Variants in KSR2 observed in about 807,000 individuals in gnomAD.
KSR2 encodes the protein kinase suppressor of ras 2.
In KSR2, 25 loss-of-function variants were observed where a neutral mutation model predicts 107.8. The observed-to-expected ratio is 0.23, with a 90% CI of 0.17 to 0.32. The LOEUF (loss-of-function observed/expected upper bound fraction) is 0.32, where lower values mean the gene tolerates loss of function less well. Among genes scored for constraint, KSR2 ranks in the 10% least tolerant of loss-of-function variants. KSR2 has a pLI of 1.00. For missense variants in KSR2, 887 were observed against 1,268.9 expected, an observed-to-expected ratio of 0.70 and a Z score of 4.57; for synonymous variants, 480 against 507.0, an observed-to-expected ratio of 0.95 and a Z score of 0.71.
At chr12:117,665,284 G>C (rs1164485896) in intron 5 of KSR2, among the ~76,000 whole-genome samples, 1 of 152,180 alleles carries the variant, frequency 6.6e-6, no homozygotes, top group Non-Finnish European at 1.5e-5. Context: ...GGAACAAAAA[G>C]TTAGAAGCCA....
intron 1 of KSR2, among the ~76,000 whole-genome samples, chr12:117,862,729 T>C (rs113536267): frequency 0.15 from 11,205 of 75,082 alleles, 770 homozygotes; most frequent in East Asian, 0.36. Context: ...ATTCCCCCCC[T>C]TTTTTTTTTT....
chr12:117,532,137 G>A (rs535779352), intron 10 of KSR2, among the ~76,000 whole-genome samples: 46 of 152,258 alleles, frequency 3.0e-4, no homozygotes, highest in African/African-American at 8.4e-4. Context: ...AACGAGCATC[G>A]TATCAGTTTT....
At chr12:117,732,705 A>G (rs1233979998) in intron 4 of KSR2, among the ~76,000 whole-genome samples, 1 of 152,020 alleles carries the variant, frequency 6.6e-6, no homozygotes, top group Admixed American at 6.6e-5. Context: ...AGTTGTTAAT[A>G]TTTTTCTTCT....
At chr12:117,810,602 C>T (rs1662866618) in intron 3 of KSR2, among the ~76,000 whole-genome samples, 1 of 152,232 alleles carries the variant, frequency 6.6e-6, no homozygotes, top group African/African-American at 2.4e-5. Context: ...CATGAGCCAC[C>T]ACATCCAGCC....
At chr12:117,755,595 G>C (rs1888762127) in intron 4 of KSR2, among the ~76,000 whole-genome samples, 1 of 152,038 alleles carries the variant, frequency 6.6e-6, no homozygotes. Context: ...TCCTTTTCCT[G>C]GGCCTCCCTA....
intron 4 of KSR2, among the ~76,000 whole-genome samples, chr12:117,695,546 A>C (rs1886018504): frequency 1.4e-5 from 1 of 71,640 alleles, no homozygotes; most frequent in African/African-American, 7.1e-5. Context: ...TTTCTACAAA[A>C]AAAAAAAAAA....
In KSR2 at chr12:117,467,051, G is replaced by A. The variant is rs573846029; in HGVS notation, c.*148C>T. 2.0e-5 allele frequency: 10 copies of A among 496,124 alleles called. No individual in the cohort carries two copies. The highest frequency in any genetic ancestry group is 1.0e-4 in the East Asian group (3 of 29,054). 30.7% of individuals were successfully genotyped at this position (496,124 alleles called of 1,614,324 possible). A position where few individuals can be genotyped will look rare whatever the true frequency, so the allele number is the denominator to read the frequency against. Reference sequence around the variant, plus strand: ...CTCAAGTCTGAGGTGCAGGGAGGCCGCCGAGCAGTTGTCCAGTGCTCCCAG... The same window carrying A: ...CTCAAGTCTGAGGTGCAGGGAGGCCACCGAGCAGTTGTCCAGTGCTCCCAG... On this transcript the variant is annotated 3_prime_UTR_variant, in exon 20 of 20. Coordinates refer to ENST00000339824, the MANE Select transcript of KSR2 (RefSeq NM_173598.6).
At chr12:117,798,034 G>A (rs1890696291) in intron 3 of KSR2, among the ~76,000 whole-genome samples, 1 of 152,282 alleles carries the variant, frequency 6.6e-6, no homozygotes, top group South Asian at 2.1e-4. Flanking sequence ...GCTGTGGGCA[G>A]CATGGGGGCC....
At chr12:117,505,854 G>A (rs917085461) in intron 14 of KSR2, among the ~76,000 whole-genome samples, 17 of 152,140 alleles carry the variant, frequency 1.1e-4, no homozygotes, top group African/African-American at 3.9e-4. Flanking sequence ...CTTCCAAAAT[G>A]TCTTATTCCA....
chr12:117,778,184 C>T (rs1372414889), intron 3 of KSR2, among the ~76,000 whole-genome samples: 1 of 152,152 alleles, frequency 6.6e-6, no homozygotes, highest in Non-Finnish European at 1.5e-5. Flanking sequence ...CTGACTGCAA[C>T]CTCCACCTCC....
intron 5 of KSR2, among the ~76,000 whole-genome samples, chr12:117,653,253 T>C (rs1883979198): frequency 6.6e-6 from 1 of 152,174 alleles, no homozygotes. Flanking sequence ...CCAGATGTGG[T>C]TTCATTGCTT....
chr12:117,755,130 G>A (rs2136842418), intron 4 of KSR2, among the ~76,000 whole-genome samples: 1 of 152,282 alleles, frequency 6.6e-6, no homozygotes, highest in South Asian at 2.1e-4. Context: ...GAGGGCAAAG[G>A]CTTCTCAAAC....
At chr12:117,693,091 A>G (rs934067001) in intron 4 of KSR2, among the ~76,000 whole-genome samples, 2 of 152,158 alleles carry the variant, frequency 1.3e-5, no homozygotes, top group Non-Finnish European at 2.9e-5. Flanking sequence ...AAGACTGTGT[A>G]ATCCAAAGAA....
intron 1 of KSR2, among the ~76,000 whole-genome samples, chr12:117,910,120 A>G (rs564254959): frequency 6.6e-5 from 10 of 151,984 alleles, no homozygotes; most frequent in African/African-American, 2.4e-4. Flanking sequence ...AGTCCCAGCT[A>G]CTCTGGAGGT....
At position 117,888,682 on chromosome 12, in the gene KSR2, C is replaced by A. The variant is rs11612471; in HGVS notation, c.181-28251G>T. On this transcript the variant is annotated intron_variant, in intron 1 of 19. Transcript: ENST00000339824. ...ATAGAGCCCTCACCAGAACCTGGAA[C>A]CTGACCATGCTGACAACCTGGTCTT... Among the ~76,000 whole-genome samples, 565 of 152,322 alleles carry A rather than the reference C, an allele frequency of 3.7e-3. 2 individuals carry two copies. The highest frequency in any genetic ancestry group is 6.0e-3 in the Non-Finnish European group (405 of 68,024).
chr12:117,513,378 G>A (rs568201510), intron 14 of KSR2, among the ~76,000 whole-genome samples: 97 of 152,160 alleles, frequency 6.4e-4, no homozygotes, highest in Non-Finnish European at 1.2e-3. Context: ...GGCCAAAGCT[G>A]AGCAGTGATC....
At chr12:117,816,931 C>T (rs1303054666) in intron 3 of KSR2, among the ~76,000 whole-genome samples, 1 of 152,144 alleles carries the variant, frequency 6.6e-6, no homozygotes, top group Non-Finnish European at 1.5e-5. Context: ...GGATGGATTC[C>T]CATGTGATTC....
rs540321556 is a variant in KSR2, at chr12:117,514,526, T to TTCTCTCTC, written c.2219+10318_2219+10325dup. On this transcript the variant is annotated intron_variant, in intron 14 of 19. Coordinates refer to ENST00000339824, the MANE Select transcript of KSR2 (RefSeq NM_173598.6). The stretch of plus-strand genomic sequence containing the variant: ...AAAGGTCCTTTAAGATGTCTTTGGT[T>TTCTCTCTC]TCTCTCTCTCTCTCTCTCTTTTTTT... Among the ~76,000 whole-genome samples the TTCTCTCTC allele has an allele frequency of 1.1e-4, 16 of 145,362 alleles. No homozygotes were observed. In the Admixed American group the frequency reaches 1.1e-3, roughly 10 times the overall value.
chr12:117,628,950 G>T (rs1428418176), intron 5 of KSR2, among the ~76,000 whole-genome samples: 5 of 152,232 alleles, frequency 3.3e-5, no homozygotes, highest in Non-Finnish European at 5.9e-5. Context: ...CTGGCAGATC[G>T]ATCTCGGACT....
Sources: gnomAD v4.1 joint callset for allele counts (sites outside exome capture counted in the v4.1 genomes callset) on GRCh38, gnomAD v4.1.1 for gene constraint, MANE v1.5 for transcripts, NCBI Gene and HGNC (gene_info 2026-07-23, HGNC 2026-07-21) for gene names.